Variants in HSD17B2 observed in about 807,000 individuals in gnomAD.
The protein encoded by HSD17B2 is hydroxysteroid 17-beta dehydrogenase 2.
Under a neutral mutation model 26.9 loss-of-function variants are expected in HSD17B2, and 32 were observed. The observed-to-expected ratio is 1.19, with a 90% CI of 0.90 to 1.60. The LOEUF (loss-of-function observed/expected upper bound fraction) is 1.60, where lower values mean the gene tolerates loss of function less well. Among genes scored for constraint, HSD17B2 ranks in the 40% most tolerant of loss-of-function variants. The pLI, the probability that HSD17B2 is intolerant of heterozygous loss-of-function variation, is 0.00. For synonymous variants in HSD17B2, 246 were observed against 186.7 expected, an observed-to-expected ratio of 1.32 and a Z score of -2.59; for missense variants, 613 against 468.6, an observed-to-expected ratio of 1.31 and a Z score of -2.85.
chr16:82,085,300 T>C (rs778706897), intron 3 of HSD17B2, among the ~76,000 whole-genome samples: 2 of 152,122 alleles, frequency 1.3e-5, no homozygotes, highest in Non-Finnish European at 2.9e-5. Context: ...TTTAGGGAGA[T>C]TGTGGGACAA....
At chr16:82,095,735 C>T (rs1433879147) in intron 4 of HSD17B2, 2 of 152,206 alleles carry the variant, frequency 1.3e-5, no homozygotes, top group Non-Finnish European at 2.9e-5. Context: ...TTCTGTTGCT[C>T]TGGTTTAATC....
chr16:82,091,369 C>G (rs748770104), intron 4 of HSD17B2: 9 of 340,318 alleles, frequency 2.6e-5, no homozygotes, highest in Admixed American at 4.4e-5. Flanking sequence ...TGTCTGCCAG[C>G]TGGCAATTAA....
At chr16:82,038,506 C>T (rs1237597758) in intron 1 of HSD17B2, among the ~76,000 whole-genome samples, 2 of 152,094 alleles carry the variant, frequency 1.3e-5, no homozygotes, top group African/African-American at 2.4e-5. Context: ...CGTGCTACCA[C>T]GTTGGGCTAA....
intron 4 of HSD17B2, chr16:82,094,840 C>A (rs986569866): frequency 6.6e-6 from 1 of 152,108 alleles, no homozygotes; most frequent in Non-Finnish European, 1.5e-5. Context: ...TTAATCCTCA[C>A]CTGTGAAGTA....
At chr16:82,092,251 T>C (rs1248149852) in intron 4 of HSD17B2, 1 of 152,124 alleles carries the variant, frequency 6.6e-6, no homozygotes, top group African/African-American at 2.4e-5. Flanking sequence ...TCCTTCCCTC[T>C]GAAGAATATG....
intron 3 of HSD17B2, among the ~76,000 whole-genome samples, chr16:82,082,524 G>C (rs1371749398): frequency 6.6e-6 from 1 of 152,010 alleles, no homozygotes; most frequent in Non-Finnish European, 1.5e-5. Flanking sequence ...TTTTGTACAA[G>C]CTTTTGTGTG....
intron 3 of HSD17B2, among the ~76,000 whole-genome samples, chr16:82,088,249 C>T (rs1222504867): frequency 3.3e-5 from 5 of 152,146 alleles, no homozygotes; most frequent in Admixed American, 6.5e-5. Context: ...AAACCGTGAA[C>T]ATATGGAGCC....
At chr16:82,089,573 A>G (rs1218440196) in intron 3 of HSD17B2, among the ~76,000 whole-genome samples, 1 of 152,184 alleles carries the variant, frequency 6.6e-6, no homozygotes, top group African/African-American at 2.4e-5. Context: ...CCACAAACGG[A>G]GTGGCTTAAA....
intron 1 of HSD17B2, among the ~76,000 whole-genome samples, chr16:82,061,854 C>T (rs1914447334): frequency 6.6e-6 from 1 of 151,924 alleles, no homozygotes; most frequent in Non-Finnish European, 1.5e-5. Flanking sequence ...TAAATTTATC[C>T]CCCATCTTCC....
intron 4 of HSD17B2, 93 bp from the exon 5 acceptor site, chr16:82,097,982 C>A: frequency 2.5e-6 from 3 of 1,220,748 alleles, no homozygotes; most frequent in Non-Finnish European, 3.4e-6. Flanking sequence ...ACGTCATTTG[C>A]AAAGGGCCAT....
intron 1 of HSD17B2, among the ~76,000 whole-genome samples, chr16:82,067,407 G>T (rs1307622223): frequency 1.3e-5 from 2 of 152,252 alleles, no homozygotes; most frequent in African/African-American, 4.8e-5. Context: ...TTTTGCACTT[G>T]TGGGTATAAA....
intron 3 of HSD17B2, among the ~76,000 whole-genome samples, chr16:82,088,998 T>C (rs954868651): frequency 1.3e-5 from 2 of 152,122 alleles, no homozygotes; most frequent in African/African-American, 4.8e-5. Flanking sequence ...AAAAGGGCAC[T>C]AATCCCTCTC....
intron 1 of HSD17B2, among the ~76,000 whole-genome samples, chr16:82,057,814 C>G (rs542643295): frequency 1.3e-5 from 2 of 152,182 alleles, no homozygotes; most frequent in African/African-American, 4.8e-5. Context: ...CTGATGAGCA[C>G]TCCGTCAAAC....
At chr16:82,066,567 C>A (rs1337442171) in intron 1 of HSD17B2, among the ~76,000 whole-genome samples, 1 of 152,136 alleles carries the variant, frequency 6.6e-6, no homozygotes. Flanking sequence ...AAATGGTAAA[C>A]ATTACAAGAT....
chr16:82,052,095 T>C (rs1182314483), intron 1 of HSD17B2, among the ~76,000 whole-genome samples: 2 of 152,172 alleles, frequency 1.3e-5, no homozygotes, highest in Non-Finnish European at 2.9e-5. Context: ...TGACCAGGAA[T>C]CAAGTCGTAT....
In HSD17B2 at chr16:82,071,438, AAAT is replaced by A. The variant is rs371631475; in HGVS notation, c.664+315_664+317del. 6.8e-4 allele frequency: 292 copies of A among 426,678 alleles called. 1 individual carries two copies. The highest frequency in any genetic ancestry group is 5.4e-3 in the African/African-American group (266 of 49,700). 26.4% of individuals were successfully genotyped at this position (426,678 alleles called of 1,614,324 possible). A position where few individuals can be genotyped will look rare whatever the true frequency, so the allele number is the denominator to read the frequency against. ...ATTTGTACAGGAAATCTCACATTAC[AAAT>A]AATGTCAGCATTTCAGGCAACCTGT... On this transcript the variant is annotated intron_variant, in intron 3 of 4. Coordinates refer to ENST00000199936, the MANE Select transcript of HSD17B2 (RefSeq NM_002153.3).
Position 82,097,366 on chromosome 16 carries a change from C to CACACACAT in HSD17B2, c.803-702_803-701insTACACACA, listed in dbSNP as rs1335045807. The CACACACAT allele has an allele frequency of 4.1e-5, 6 of 144,948 alleles. 1 individual carries two copies. Among genetic ancestry groups the CACACACAT allele is most frequent in the Non-Finnish European group, 9.2e-5 (6 of 64,884 alleles). The allele number at this position is 144,948 out of a possible 1,614,324, so 9.0% of individuals were successfully genotyped here. On this transcript the variant is annotated intron_variant, in intron 4 of 4. Transcript: ENST00000199936. ...ATATATGTGTACACACACACACACA[C>CACACACAT]ACACACACACAGACACATATATATA...
chr16:82,091,939 C>T (rs956117130), intron 4 of HSD17B2: 2 of 152,174 alleles, frequency 1.3e-5, no homozygotes, highest in African/African-American at 4.8e-5. Flanking sequence ...TGAGCGGGAC[C>T]TTTCTGGGAC....
chr16:82,097,992 T>G, intron 4 of HSD17B2, 83 bp from the exon 5 acceptor site: 1 of 1,364,016 alleles, frequency 7.3e-7, no homozygotes, highest in East Asian at 2.4e-5. Context: ...CAAAGGGCCA[T>G]CCTTCCCAAC....
Sources: allele counts gnomAD v4.1 joint callset (sites outside exome capture counted in the v4.1 genomes callset), GRCh38; gene constraint gnomAD v4.1.1; transcripts MANE v1.5; gene names NCBI Gene and HGNC (gene_info 2026-07-23, HGNC 2026-07-21).